The following TMEM74 variants were observed in gnomAD, a reference collection of about 807,000 sequenced individuals.
TMEM74 encodes transmembrane protein 74.
In TMEM74, 13 loss-of-function variants were observed where a neutral mutation model predicts 18.1. That is an observed-to-expected ratio of 0.72 (90% CI 0.47 to 1.14). The LOEUF is 1.14. Among genes scored for constraint, TMEM74 ranks in the 50% most tolerant of loss-of-function variants. TMEM74 has a pLI of 0.00. For synonymous variants in TMEM74, 159 were observed against 146.6 expected, an observed-to-expected ratio of 1.08 and a Z score of -0.61; for missense variants, 372 against 375.9, an observed-to-expected ratio of 0.99 and a Z score of 0.09.
chr8:108,619,417 A>ACT lies in TMEM74; in HGVS notation n.265-10593_265-10592dup, dbSNP rs572382644. Among the ~76,000 whole-genome samples, 3 of 152,082 alleles carry ACT rather than the reference A, an allele frequency of 2.0e-5. No individual in the cohort carries two copies. In the South Asian group the frequency reaches 6.2e-4, roughly 31 times the overall value. ...ATGCAGGTGTTGCTTCGGTTGTGTG[A>ACT]CTCTGTGAGAGGGCTGAAGCCTGTC... On this transcript the variant is annotated intron_variant and non_coding_transcript_variant, in intron 2 of 3. Transcript: ENST00000518838.
At chr8:108,647,000 G>C (rs1444889685) in intron 2 of TMEM74, among the ~76,000 whole-genome samples, 1 of 152,096 alleles carries the variant, frequency 6.6e-6, no homozygotes, top group Non-Finnish European at 1.5e-5. Context: ...GGCACACCAA[G>C]TATCCATTCC....
At chr8:108,692,538 C>T (rs974701837) in intron 1 of TMEM74, among the ~76,000 whole-genome samples, 8 of 152,148 alleles carry the variant, frequency 5.3e-5, no homozygotes, top group African/African-American at 1.7e-4. Flanking sequence ...CAATGAGAAG[C>T]AGATATCTTA....
intron 1 of TMEM74, among the ~76,000 whole-genome samples, chr8:108,762,906 C>T (rs985107599): frequency 6.6e-6 from 1 of 151,888 alleles, no homozygotes. Context: ...AAACAAAAAA[C>T]TCCTTGAGGA....
At chr8:108,771,379 G>C (rs1814169028) in intron 1 of TMEM74, among the ~76,000 whole-genome samples, 1 of 151,960 alleles carries the variant, frequency 6.6e-6, no homozygotes, top group Admixed American at 6.6e-5. Flanking sequence ...TTACATAAAT[G>C]TTTGCTAAAA....
chr8:108,784,284 G>A lies in TMEM74; in HGVS notation c.815C>T (p.Ala272Val). The A allele has an allele frequency of 6.2e-7, 1 of 1,614,072 alleles. No homozygotes were observed. Among genetic ancestry groups the A allele is most frequent in the South Asian group, 1.1e-5 (1 of 91,076 alleles). ...GAAGTTGAAAGAACCATAGAGTTTTGCAGACTCTTTGGAAGAGGCAAATCT... is the reference window on the plus strand; with the variant it reads ...GAAGTTGAAAGAACCATAGAGTTTTACAGACTCTTTGGAAGAGGCAAATCT... ...RNRFASSKES[A>V]KLYGSFNFRM... is the part of the protein sequence containing the mutation. Residue 272 changes from alanine (A) to valine (V), a missense_variant, in exon 2 of 2, where the codon GCA becomes GTA. Coordinates refer to ENST00000297459, the MANE Select transcript of TMEM74 (RefSeq NM_153015.3).
intron 2 of TMEM74, among the ~76,000 whole-genome samples, chr8:108,631,652 G>GC (rs1812553617): frequency 6.6e-6 from 1 of 152,072 alleles, no homozygotes; most frequent in South Asian, 2.1e-4. Flanking sequence ...AAACACTTCT[G>GC]CCCGTTCTGT....
chr8:108,612,107 G>A (rs1271778896), intron 2 of TMEM74, among the ~76,000 whole-genome samples: 1 of 152,014 alleles, frequency 6.6e-6, no homozygotes, highest in Non-Finnish European at 1.5e-5. Context: ...ACCTCCCAAT[G>A]GGCCCCTTCC....
At chr8:108,686,689 A>G (rs1177226070) in intron 1 of TMEM74, among the ~76,000 whole-genome samples, 1 of 152,078 alleles carries the variant, frequency 6.6e-6, no homozygotes, top group East Asian at 1.9e-4. Context: ...GAAAAAAAAA[A>G]AATAGAAAAC....
chr8:108,745,318 C>T (rs1457145546), intron 1 of TMEM74, among the ~76,000 whole-genome samples: 1 of 152,124 alleles, frequency 6.6e-6, no homozygotes, highest in Non-Finnish European at 1.5e-5. Context: ...CTTAACTCTG[C>T]TGTTGGAGGG....
intron 2 of TMEM74, among the ~76,000 whole-genome samples, chr8:108,639,273 A>T (rs1034462896): frequency 6.6e-6 from 1 of 152,200 alleles, no homozygotes; most frequent in African/African-American, 2.4e-5. Flanking sequence ...CAGTTTATAT[A>T]TGAGTAAACT....
chr8:108,785,397 C>T (rs1187524219), intron 1 of TMEM74, among the ~76,000 whole-genome samples: 1 of 152,126 alleles, frequency 6.6e-6, no homozygotes, highest in Admixed American at 6.5e-5. Flanking sequence ...GCAGTGTCTA[C>T]TGAGAAAGAA....
chr8:108,661,688 G>GGTAAGCACA (rs1379987249), intron 1 of TMEM74, among the ~76,000 whole-genome samples: 1 of 151,942 alleles, frequency 6.6e-6, no homozygotes, highest in Non-Finnish European at 1.5e-5. Flanking sequence ...ATGCTGTAAG[G>GGTAAGCACA]GTAAGCACAG....
intron 2 of TMEM74, among the ~76,000 whole-genome samples, chr8:108,620,817 G>A (rs1373027386): frequency 6.6e-6 from 1 of 152,062 alleles, no homozygotes; most frequent in East Asian, 1.9e-4. Flanking sequence ...TTGCCTCCTT[G>A]ATAGGTTCTT....
rs563768430 is a variant in TMEM74, at chr8:108,754,401, T to C, written n.119+33075A>G. 1.1e-4 allele frequency among the ~76,000 whole-genome samples: 17 copies of C among 152,156 alleles called. 1 individual carries two copies. In the South Asian group the frequency reaches 3.5e-3, roughly 32 times the overall value. ...GGTGCTGCCTATCATGATCCTGGAC[T>C]CCTGGTCTTGGTGTCCTTGTGTGAT... On this transcript the variant is annotated intron_variant and non_coding_transcript_variant, in intron 1 of 3. Coordinates refer to the TMEM74 transcript ENST00000518838.
intron 1 of TMEM74, among the ~76,000 whole-genome samples, chr8:108,690,442 A>T (rs1813214354): frequency 6.6e-6 from 1 of 151,336 alleles, no homozygotes; most frequent in Admixed American, 6.6e-5. Flanking sequence ...CATCAGAGTG[A>T]TAGTCATTGG....
At chr8:108,736,254 T>A (rs762244411) in intron 1 of TMEM74, among the ~76,000 whole-genome samples, 5 of 152,122 alleles carry the variant, frequency 3.3e-5, no homozygotes, top group Non-Finnish European at 5.9e-5. Context: ...ATATTTGAGG[T>A]CTACTTGTTA....
intron 2 of TMEM74, among the ~76,000 whole-genome samples, chr8:108,642,296 G>A (rs1201592089): frequency 6.6e-6 from 1 of 151,602 alleles, no homozygotes; most frequent in African/African-American, 2.4e-5. Flanking sequence ...CTACTCAGGA[G>A]GCTGAGACAG....
At chr8:108,742,175 A>G (rs2130646804) in intron 1 of TMEM74, among the ~76,000 whole-genome samples, 2 of 152,234 alleles carry the variant, frequency 1.3e-5, no homozygotes, top group South Asian at 4.1e-4. Context: ...GGAGCAGAAA[A>G]AAAATAACTA....
chr8:108,702,294 G>A (rs912798695), intron 1 of TMEM74, among the ~76,000 whole-genome samples: 8 of 146,498 alleles, frequency 5.5e-5, no homozygotes, highest in African/African-American at 2.0e-4. Flanking sequence ...GCAGTGAGCC[G>A]AGATTGAGCC....
Sources: gnomAD v4.1 joint callset for allele counts (sites outside exome capture counted in the v4.1 genomes callset) on GRCh38, gnomAD v4.1.1 for gene constraint, MANE v1.5 for transcripts, NCBI Gene and HGNC (gene_info 2026-07-23, HGNC 2026-07-21) for gene names.